The following DMXL2 variants were observed in gnomAD, a reference collection of about 807,000 sequenced individuals.
The protein encoded by DMXL2 is dmX-like protein 2.
A neutral mutation model predicts 331.1 loss-of-function variants in DMXL2; 103 were observed. That is an observed-to-expected ratio of 0.31 (90% CI 0.27 to 0.37). The LOEUF (loss-of-function observed/expected upper bound fraction) is 0.37. DMXL2 is among the 10% of genes least tolerant of loss of function. The probability of loss-of-function intolerance (pLI) is 1.00; values close to 1 mark genes in which losing one functional copy is unlikely to be tolerated. For synonymous variants in DMXL2, 1,281 were observed against 1,252.1 expected (o/e 1.02, Z -0.49); for missense variants, 3,171 against 3,642.9 (o/e 0.87, Z 3.33).
intron 20 of DMXL2, among the ~76,000 whole-genome samples, chr15:51,490,305 C>A (rs2042700589): frequency 1.3e-5 from 2 of 152,158 alleles, no homozygotes; most frequent in African/African-American, 2.4e-5. Flanking sequence ...CCTACCACTA[C>A]CAAATTAAAA....
intron 1 of DMXL2, among the ~76,000 whole-genome samples, chr15:51,578,695 T>TA (rs1478354510): frequency 6.6e-6 from 1 of 152,218 alleles, no homozygotes; most frequent in Non-Finnish European, 1.5e-5. Flanking sequence ...AAAATATATG[T>TA]AGGACATTCA....
chr15:51,478,561 TAATC>T (rs1392965441), intron 25 of DMXL2, among the ~76,000 whole-genome samples: 1 of 152,182 alleles, frequency 6.6e-6, no homozygotes, highest in Non-Finnish European at 1.5e-5. Flanking sequence ...AGACACATTT[TAATC>T]AAACAGTTAC....
chr15:51,615,281 A>G (rs908054840), intron 1 of DMXL2, among the ~76,000 whole-genome samples: 3 of 152,198 alleles, frequency 2.0e-5, no homozygotes, highest in Non-Finnish European at 2.9e-5. Context: ...GAAAACTAAG[A>G]AGGCTAAATG....
rs1397459987 is a variant in DMXL2 at position 51,622,609 on chromosome 15, C to A, written c.-64G>T. 3 of 1,503,418 alleles carry A rather than the reference C, an allele frequency of 2.0e-6. No homozygotes were observed. In the East Asian group the frequency reaches 7.9e-5, roughly 39 times the overall value. 93.1% of individuals were successfully genotyped at this position (1,503,418 alleles called of 1,614,324 possible). A position where few individuals can be genotyped will look rare whatever the true frequency, so the allele number is the denominator to read the frequency against. On this transcript the variant is annotated 5_prime_UTR_variant, in exon 1 of 44. Coordinates refer to ENST00000560891, the MANE Select transcript of DMXL2 (RefSeq NM_001378457.1). ...GACAAGCTCCGCGCCTGACCCTCCTCGGGCTGCGAGAGCCGTTTCCCTCTG... is the reference window on the plus strand; with the variant it reads ...GACAAGCTCCGCGCCTGACCCTCCTAGGGCTGCGAGAGCCGTTTCCCTCTG...
At chr15:51,528,753 C>T (rs2047829512) in intron 13 of DMXL2, among the ~76,000 whole-genome samples, 1 of 151,650 alleles carries the variant, frequency 6.6e-6, no homozygotes, top group South Asian at 2.1e-4. Context: ...TTAATCTGTA[C>T]TATCAAAAAC....
intron 1 of DMXL2, among the ~76,000 whole-genome samples, chr15:51,594,385 C>T (rs1374084032): frequency 2.6e-5 from 4 of 152,094 alleles, no homozygotes; most frequent in Admixed American, 6.6e-5. Context: ...AATCTCTGAA[C>T]AGACCAATAA....
In DMXL2 at chr15:51,502,965, A is replaced by T; in HGVS notation, c.2833T>A (p.Ser945Thr). The change falls in exon 17 of 44, where the codon TCT (serine) becomes ACT (threonine). Residue 945 changes from serine to threonine, a missense_variant. By Grantham distance (58) the Ser-to-Thr change is moderately conservative (BLOSUM62 1). This residue lies in a region of DMXL2 where 1,674 missense variants were observed against 1,780.2 expected (regional missense o/e 0.94). Coordinates refer to ENST00000560891, the MANE Select transcript of DMXL2 (RefSeq NM_001378457.1). Reference protein sequence around the residue: ...SVPGQKNVDSSPETSPSVSPM... With the variant: ...SVPGQKNVDSTPETSPSVSPM... Reference sequence around the variant, plus strand: ...CTCACACTAGGAGAGGTTTCTGGAGAAGAATCTACGTTCTTCTGTCCAGGG... The same window carrying T: ...CTCACACTAGGAGAGGTTTCTGGAGTAGAATCTACGTTCTTCTGTCCAGGG... 1 of 1,614,088 alleles carries T rather than the reference A, an allele frequency of 6.2e-7. No homozygotes were observed. The highest frequency in any genetic ancestry group is 8.5e-7 in the Non-Finnish European group (1 of 1,179,938).
At chr15:51,546,466 T>C (rs1290349425) in intron 7 of DMXL2, among the ~76,000 whole-genome samples, 1 of 152,130 alleles carries the variant, frequency 6.6e-6, no homozygotes, top group Non-Finnish European at 1.5e-5. Flanking sequence ...CTCTACAATG[T>C]GTGCTATATT....
chr15:51,620,256 C>A (rs982494306), intron 1 of DMXL2, among the ~76,000 whole-genome samples: 1 of 152,006 alleles, frequency 6.6e-6, no homozygotes, highest in Non-Finnish European at 1.5e-5. Flanking sequence ...TGGATCAGTG[C>A]GCTCAAAACT....
intron 1 of DMXL2, among the ~76,000 whole-genome samples, chr15:51,602,181 A>G (rs1193729565): frequency 6.6e-6 from 1 of 152,174 alleles, no homozygotes; most frequent in African/African-American, 2.4e-5. Flanking sequence ...TTCCCATTTT[A>G]CTGAACTAAG....
intron 16 of DMXL2, among the ~76,000 whole-genome samples, chr15:51,505,010 T>C (rs925980489): frequency 3.3e-5 from 5 of 152,324 alleles, no homozygotes; most frequent in African/African-American, 1.2e-4. Flanking sequence ...CTTGGTCAAG[T>C]TACATACCCT....
chr15:51,566,232 GGTGTGT>G (rs71127197), intron 3 of DMXL2, among the ~76,000 whole-genome samples: 13,397 of 144,634 alleles, frequency 0.093, 652 homozygotes, highest in Middle Eastern at 0.15. Flanking sequence ...GTGTGTGTGG[GGTGTGT>G]GTGTGTGTGT....
intron 13 of DMXL2, among the ~76,000 whole-genome samples, chr15:51,520,857 AAAATAAAT>A (rs1249430255): frequency 1.3e-5 from 2 of 152,126 alleles, no homozygotes; most frequent in African/African-American, 4.8e-5. Context: ...ATTCAGACTC[AAAATAAAT>A]AAATAAATAA....
At chr15:51,511,412 T>C (rs1187715373) in intron 15 of DMXL2, among the ~76,000 whole-genome samples, 1 of 152,182 alleles carries the variant, frequency 6.6e-6, no homozygotes, top group African/African-American at 2.4e-5. Flanking sequence ...AAGAACACAT[T>C]TATGTGGCCA....
chr15:51,516,753 G>C (rs1012665655), intron 14 of DMXL2, among the ~76,000 whole-genome samples: 1 of 152,160 alleles, frequency 6.6e-6, no homozygotes, highest in Non-Finnish European at 1.5e-5. Context: ...AGTGTACACT[G>C]TACCTAACAT....
chr15:51,497,345 G>C (rs1415791143), intron 18 of DMXL2, among the ~76,000 whole-genome samples: 1 of 152,148 alleles, frequency 6.6e-6, no homozygotes. Context: ...ATAGTTAAAA[G>C]GGTACAGGCT....
At chr15:51,596,967 T>C (rs2141282859) in intron 1 of DMXL2, among the ~76,000 whole-genome samples, 1 of 152,286 alleles carries the variant, frequency 6.6e-6, no homozygotes, top group South Asian at 2.1e-4. Context: ...ATATACCTAA[T>C]GTTAAATGAC....
chr15:51,478,223 T>G lies in DMXL2; in HGVS notation c.6833+48A>C, dbSNP rs768717783. The stretch of plus-strand genomic sequence containing the variant: ...GAAACTTAATATAACTCTGGAACAG[T>G]TTAATGTTTTTGCTGTATTAATACT... On this transcript the variant is annotated intron_variant, in intron 26 of 43. Transcript: ENST00000560891. 1.6e-5 allele frequency: 24 copies of G among 1,487,812 alleles called. 1 individual carries two copies. Among genetic ancestry groups the G allele is most frequent in the Non-Finnish European group, 2.1e-5 (23 of 1,073,714 alleles). The allele number at this position is 1,487,812 out of a possible 1,614,324, so 92.2% of individuals were successfully genotyped here.
intron 6 of DMXL2, among the ~76,000 whole-genome samples, chr15:51,549,921 T>C (rs1364218497): frequency 1.3e-5 from 2 of 152,150 alleles, no homozygotes; most frequent in Non-Finnish European, 2.9e-5. Context: ...GTCTGTTTAC[T>C]CTGCTGACTG....
Sources: gnomAD v4.1 joint callset for allele counts (sites outside exome capture counted in the v4.1 genomes callset) on GRCh38, gnomAD v4.1.1 for gene constraint, gnomAD v4.1.1 regional missense constraint, MANE v1.5 for transcripts, NCBI Gene and HGNC (gene_info 2026-07-23, HGNC 2026-07-21) for gene names.